MGLL: variants seen among roughly 807,000 people sequenced by gnomAD.
MGLL encodes the protein monoglyceride lipase, also known as lysophospholipase homolog.
A neutral mutation model predicts 29.1 loss-of-function variants in MGLL; 7 were observed. That is an observed-to-expected ratio of 0.24 (90% confidence interval 0.14 to 0.45). The LOEUF (loss-of-function observed/expected upper bound fraction) is 0.45. Among genes scored for constraint, MGLL ranks in the 20% least tolerant of loss-of-function variants. The pLI is 0.99. For missense variants in MGLL, 356 were observed against 413.6 expected, an observed-to-expected ratio of 0.86 and a Z score of 1.21; for synonymous variants, 148 against 168.3, an observed-to-expected ratio of 0.88 and a Z score of 0.93.
intron 2 of MGLL, among the ~76,000 whole-genome samples, chr3:127,809,443 T>C (rs992971589): frequency 2.6e-5 from 4 of 151,996 alleles, no homozygotes; most frequent in South Asian, 2.1e-4. Context: ...CTGGGCAACA[T>C]AGTGAGATCC....
intron 1 of MGLL, 103 bp from the exon 2 acceptor site, chr3:127,821,941 C>G: frequency 2.2e-6 from 3 of 1,340,380 alleles, no homozygotes; most frequent in Non-Finnish European, 3.1e-6. Flanking sequence ...TTTTTAAAAG[C>G]AGTTTAAAAA....
chr3:127,740,345 C>G (rs552823023), intron 3 of MGLL, among the ~76,000 whole-genome samples: 5 of 152,300 alleles, frequency 3.3e-5, no homozygotes, highest in South Asian at 4.1e-4. Context: ...GCCCCCACCC[C>G]CTGGCAACCA....
At chr3:127,795,019 A>G (rs1378533656) in intron 2 of MGLL, among the ~76,000 whole-genome samples, 1 of 152,268 alleles carries the variant, frequency 6.6e-6, no homozygotes, top group Non-Finnish European at 1.5e-5. Context: ...CAATCCCATT[A>G]CTGGGTATAT....
chr3:127,811,121 C>T (rs2077654969), intron 2 of MGLL, among the ~76,000 whole-genome samples: 1 of 149,146 alleles, frequency 6.7e-6, no homozygotes. Context: ...CCATACTCAA[C>T]AGAAATGCTT....
Position 127,761,489 on chromosome 3 carries a change from C to A in MGLL, c.262+20300G>T, listed in dbSNP as rs757447722. Among the ~76,000 whole-genome samples the A allele has an allele frequency of 5.9e-5, 9 of 152,234 alleles. No individual in the cohort carries two copies. The highest frequency in any genetic ancestry group is 1.2e-4 in the Non-Finnish European group (8 of 68,038). The stretch of plus-strand genomic sequence containing the variant: ...GAAGCCACAGAACACTCAGAGACAG[C>A]AGTCAAAGAGGCCACTTCTGCACTG... On this transcript the variant is annotated intron_variant, in intron 3 of 7. Transcript: ENST00000265052. This position sits in a 1 kb window ranked among gnomAD's most constrained non-coding sequence, Gnocchi z 4.6.
chr3:127,786,807 G>T (rs918130158), intron 2 of MGLL, among the ~76,000 whole-genome samples: 4 of 152,320 alleles, frequency 2.6e-5, no homozygotes, highest in African/African-American at 9.6e-5. Context: ...ATGGGGCAGG[G>T]GTCTTGCCTG....
intron 7 of MGLL, among the ~76,000 whole-genome samples, chr3:127,694,591 C>A (rs1015249069): frequency 2.6e-5 from 4 of 152,030 alleles, no homozygotes; most frequent in African/African-American, 9.7e-5. Flanking sequence ...CCATGGCTCC[C>A]GAGCTACTGC....
chr3:127,741,268 A>T (rs2107655072), intron 3 of MGLL, among the ~76,000 whole-genome samples: 1 of 152,316 alleles, frequency 6.6e-6, no homozygotes, highest in Admixed American at 6.5e-5. Context: ...AACATACAAC[A>T]TGGTGTGTGT....
At chr3:127,763,118 A>C (rs1201891887) in intron 3 of MGLL, among the ~76,000 whole-genome samples, 1 of 152,218 alleles carries the variant, frequency 6.6e-6, no homozygotes, top group Admixed American at 6.5e-5. Flanking sequence ...TAGAAAAACA[A>C]CAACCACCAT....
Position 127,821,699 on chromosome 3 carries a change from T to C in MGLL, c.150A>G (p.Thr50=), listed in dbSNP as rs2107766169. The change falls in exon 2 of 8, where the codon ACA becomes ACG. Residue 50 remains threonine, a synonymous_variant. Transcript: ENST00000265052. Reference sequence around the variant, plus strand: ...ACTTTCTGGGGAAGACTTACTTGGGTGTGCCTGTGGGTTTCCAGTACCTGC... The same window carrying C: ...ACTTTCTGGGGAAGACTTACTTGGGCGTGCCTGTGGGTTTCCAGTACCTGC... ...LFCRYWKPTG[T]PKALIFVSHG... is the part of the protein sequence containing the mutation. The C allele has an allele frequency of 1.2e-6, 2 of 1,614,048 alleles. No individual in the cohort carries two copies. Among genetic ancestry groups the C allele is most frequent in the Non-Finnish European group, 1.7e-6 (2 of 1,179,994 alleles).
chr3:127,710,490 G>T, intron 6 of MGLL, 86 bp downstream of exon 6: 1 of 1,203,708 alleles, frequency 8.3e-7, no homozygotes, highest in Non-Finnish European at 1.2e-6. Context: ...AAGGGCAGCA[G>T]AGAATGCCAA....
intron 2 of MGLL, among the ~76,000 whole-genome samples, chr3:127,797,162 T>C (rs950324416): frequency 3.9e-5 from 6 of 152,212 alleles, no homozygotes; most frequent in African/African-American, 1.4e-4. Flanking sequence ...CACTGTTGGC[T>C]GTGTGACCGC....
chr3:127,691,983 T>C lies in MGLL; in HGVS notation c.*215A>G. 3 of 625,076 alleles carry C rather than the reference T, an allele frequency of 4.8e-6. No homozygotes were observed. The highest frequency in any genetic ancestry group is 8.1e-6 in the Non-Finnish European group (3 of 370,736). The allele number at this position is 625,076 out of a possible 1,614,324, so 38.7% of individuals were successfully genotyped here. On this transcript the variant is annotated 3_prime_UTR_variant, in exon 8 of 8. Coordinates refer to ENST00000265052, the MANE Select transcript of MGLL (RefSeq NM_007283.7). Reference sequence around the variant, plus strand: ...AATCACCTGGGACCTTTCTCTTTTTTTGCATAAAGTGTCTAACCATTAAGG... The same window carrying C: ...AATCACCTGGGACCTTTCTCTTTTTCTGCATAAAGTGTCTAACCATTAAGG...
Position 127,691,730 on chromosome 3 carries a change from A to G in MGLL, c.*468T>C. On this transcript the variant is annotated 3_prime_UTR_variant, in exon 8 of 8. Coordinates refer to ENST00000265052, the MANE Select transcript of MGLL (RefSeq NM_007283.7). ...CCCTGGGGAGCTGGCCCCTATGGAGACAGCAACCACCTCATCACACGGCCA... is the reference window on the plus strand; with the variant it reads ...CCCTGGGGAGCTGGCCCCTATGGAGGCAGCAACCACCTCATCACACGGCCA... 5.0e-6 allele frequency: 1 copy of G among 200,754 alleles called. No individual in the cohort carries two copies. Among genetic ancestry groups the G allele is most frequent in the South Asian group, 7.6e-5 (1 of 13,202 alleles). The allele number at this position is 200,754 out of a possible 1,614,324, so 12.4% of individuals were successfully genotyped here. A position where few individuals can be genotyped will look rare whatever the true frequency, so the allele number is the denominator to read the frequency against.
intron 3 of MGLL, among the ~76,000 whole-genome samples, chr3:127,741,947 A>G (rs961927327): frequency 6.6e-6 from 1 of 152,218 alleles, no homozygotes; most frequent in Admixed American, 6.5e-5. Flanking sequence ...GGGATACATC[A>G]AGACTCAACT....
intron 3 of MGLL, among the ~76,000 whole-genome samples, chr3:127,766,108 TATG>T (rs1012985756): frequency 1.2e-4 from 18 of 152,322 alleles, no homozygotes; most frequent in Admixed American, 9.2e-4. Context: ...TGTCATGTCC[TATG>T]AAGATATTTC....
intron 2 of MGLL, among the ~76,000 whole-genome samples, chr3:127,795,229 C>A (rs1272019317): frequency 6.6e-6 from 1 of 152,188 alleles, no homozygotes; most frequent in African/African-American, 2.4e-5. Context: ...TTACAGTTAA[C>A]ACAGATGCAG....
intron 3 of MGLL, among the ~76,000 whole-genome samples, chr3:127,775,891 G>A (rs779777016): frequency 6.6e-5 from 10 of 152,186 alleles, no homozygotes; most frequent in Non-Finnish European, 1.2e-4. Context: ...CCCTCCTCCC[G>A]GAGTCCTCCT....
intron 3 of MGLL, among the ~76,000 whole-genome samples, chr3:127,765,094 T>C (rs2076833227): frequency 6.6e-6 from 1 of 152,220 alleles, no homozygotes; most frequent in South Asian, 2.1e-4. Flanking sequence ...ATTAGCTACA[T>C]CTTTTCTCAG....
Sources: gnomAD v4.1 joint callset for allele counts (sites outside exome capture counted in the v4.1 genomes callset) on GRCh38, gnomAD v4.1.1 for gene constraint, Gnocchi (gnomAD v3.1) non-coding constraint, MANE v1.5 for transcripts, NCBI Gene and HGNC (gene_info 2026-07-23, HGNC 2026-07-21) for gene names.